DIAPH3: variants seen among roughly 807,000 people sequenced by gnomAD.
DIAPH3 encodes the protein diaphanous related formin 3.
A neutral mutation model predicts 144.3 loss-of-function variants in DIAPH3; 117 were observed. The ratio of observed to expected loss-of-function variants is 0.81; its 90% confidence interval spans 0.70 to 0.95. DIAPH3 has a LOEUF of 0.95. DIAPH3 is among the 40% of genes least tolerant of loss of function. The probability of loss-of-function intolerance (pLI) is 0.00; values close to 1 mark genes in which losing one functional copy is unlikely to be tolerated. For synonymous variants in DIAPH3, 519 were observed against 488.9 expected, an observed-to-expected ratio of 1.06 and a Z score of -0.81; for missense variants, 1,421 against 1,412.7, an observed-to-expected ratio of 1.01 and a Z score of -0.09.
chr13:59,767,528 T>C (rs940152290), intron 27 of DIAPH3, among the ~76,000 whole-genome samples: 7 of 151,918 alleles, frequency 4.6e-5, no homozygotes, highest in African/African-American at 1.7e-4. Context: ...AAAACAAAAG[T>C]ACAGAGTTCA....
chr13:60,043,204 G>A (rs1383955855), intron 4 of DIAPH3, among the ~76,000 whole-genome samples: 2 of 152,124 alleles, frequency 1.3e-5, no homozygotes, highest in Non-Finnish European at 2.9e-5. Context: ...GTGTAGAAAA[G>A]GCTATTAGGT....
Position 59,970,049 on chromosome 13 carries a change from G to A in DIAPH3, c.1969C>T (p.His657Tyr), listed in dbSNP as rs771360069. Residue 657 changes from histidine (H) to tyrosine (Y), a missense_variant, in exon 17 of 28, where the codon CAT becomes TAT. By Grantham distance (83) the His-to-Tyr change is moderately conservative (BLOSUM62 2). Coordinates refer to ENST00000400324, the MANE Select transcript of DIAPH3 (RefSeq NM_001042517.2). Reference sequence around the variant, plus strand: ...CAGAAACAGTTTTCAGTCATTTCATGAGGTCTGATCTACAATCAGAGAGAA... The same window carrying A: ...CAGAAACAGTTTTCAGTCATTTCATAAGGTCTGATCTACAATCAGAGAGAA... ...RRLNWLKIRP[H>Y]EMTENCFWIK... is the part of the protein sequence containing the mutation. The A allele has an allele frequency of 5.0e-6, 8 of 1,588,968 alleles. No individual in the cohort carries two copies. In the African/African-American group the frequency reaches 9.4e-5, roughly 19 times the overall value.
At chr13:60,132,875 C>T in intron 2 of DIAPH3, 82 bp downstream of exon 2, 1 of 1,213,200 alleles carries the variant, frequency 8.2e-7, no homozygotes. Context: ...TTAGCCATTT[C>T]AAAGATGTTA....
At chr13:60,118,354 A>G (rs181148614) in intron 2 of DIAPH3, among the ~76,000 whole-genome samples, 1 of 152,342 alleles carries the variant, frequency 6.6e-6, no homozygotes, top group African/African-American at 2.4e-5. Flanking sequence ...TTTAATTTAA[A>G]ATGAAAGGAA....
At chr13:59,777,169 C>G (rs1400942134) in intron 25 of DIAPH3, among the ~76,000 whole-genome samples, 1 of 152,062 alleles carries the variant, frequency 6.6e-6, no homozygotes, top group African/African-American at 2.4e-5. Context: ...GAGTCAGAAA[C>G]ATATTGTTGT....
intron 27 of DIAPH3, among the ~76,000 whole-genome samples, chr13:59,684,106 C>T (rs752449059): frequency 6.6e-6 from 1 of 150,974 alleles, no homozygotes. Context: ...ACTCTGACAA[C>T]GTTCTTGGTT....
At chr13:59,900,715 T>TAAC (rs1172454536) in intron 20 of DIAPH3, among the ~76,000 whole-genome samples, 1 of 152,208 alleles carries the variant, frequency 6.6e-6, no homozygotes, top group Non-Finnish European at 1.5e-5. Context: ...TATAGCTTTG[T>TAAC]ATGTGACCTG....
At chr13:59,752,086 C>A (rs1404998556) in intron 27 of DIAPH3, among the ~76,000 whole-genome samples, 5 of 152,180 alleles carry the variant, frequency 3.3e-5, no homozygotes, top group Admixed American at 3.3e-4. Context: ...TCTTTCCCAG[C>A]CAATATCCTT....
chr13:59,831,236 C>T (rs994593318), intron 24 of DIAPH3, among the ~76,000 whole-genome samples: 1 of 151,792 alleles, frequency 6.6e-6, no homozygotes. Flanking sequence ...ATACTTGATG[C>T]ATAATTGTGT....
intron 27 of DIAPH3, among the ~76,000 whole-genome samples, chr13:59,750,961 C>T (rs1312979166): frequency 6.6e-6 from 1 of 152,234 alleles, no homozygotes. Flanking sequence ...AGCTGTGCTT[C>T]TGCCCACATA....
At chr13:60,060,068 C>CT (rs972574183) in intron 4 of DIAPH3, among the ~76,000 whole-genome samples, 1 of 151,792 alleles carries the variant, frequency 6.6e-6, no homozygotes, top group East Asian at 1.9e-4. Context: ...GTCTGTCTTC[C>CT]TTTTTTTTCT....
chr13:60,067,521 A>T (rs893235369), intron 4 of DIAPH3, among the ~76,000 whole-genome samples: 2 of 152,182 alleles, frequency 1.3e-5, no homozygotes, highest in African/African-American at 4.8e-5. Context: ...AGATACAATT[A>T]GACTTAGATA....
chr13:59,845,276 T>C (rs1167227647), intron 22 of DIAPH3, among the ~76,000 whole-genome samples: 1 of 152,134 alleles, frequency 6.6e-6, no homozygotes, highest in Non-Finnish European at 1.5e-5. Context: ...ACTCCTGACC[T>C]CATGATCTGC....
At chr13:59,724,666 A>C (rs994781015) in intron 27 of DIAPH3, among the ~76,000 whole-genome samples, 10 of 152,354 alleles carry the variant, frequency 6.6e-5, no homozygotes, top group Non-Finnish European at 1.0e-4. Context: ...AAATCCTTTC[A>C]AAAGGGGATG....
intron 27 of DIAPH3, among the ~76,000 whole-genome samples, chr13:59,682,414 T>C (rs1021570193): frequency 6.6e-6 from 1 of 152,194 alleles, no homozygotes; most frequent in Non-Finnish European, 1.5e-5. Context: ...CTCAAAATCC[T>C]GGGCTCAAGT....
rs540172101 is a variant in DIAPH3, at chr13:59,689,704, G to C, written c.3320-22858C>G. Among the ~76,000 whole-genome samples, 5 of 151,972 alleles carry C rather than the reference G, an allele frequency of 3.3e-5. No individual in the cohort carries two copies. The South Asian group carries it at 1.0e-3, about 32-fold the overall frequency. ...ACGGTGGGGAACAAATTGGTTTTAGGGTGGAAAGATTTGGCAGATGTTGGG... is the reference window on the plus strand; with the variant it reads ...ACGGTGGGGAACAAATTGGTTTTAGCGTGGAAAGATTTGGCAGATGTTGGG... On this transcript the variant is annotated intron_variant, in intron 27 of 27. Transcript: ENST00000400324.
At chr13:59,811,194 A>C (rs770823547) in intron 24 of DIAPH3, among the ~76,000 whole-genome samples, 5 of 152,150 alleles carry the variant, frequency 3.3e-5, no homozygotes, top group African/African-American at 4.8e-5. Flanking sequence ...GGGAGATGGG[A>C]GACAGAAACT....
At chr13:60,107,128 T>A (rs189292197) in intron 3 of DIAPH3, among the ~76,000 whole-genome samples, 7 of 152,150 alleles carry the variant, frequency 4.6e-5, no homozygotes, top group African/African-American at 1.7e-4. Context: ...TGTGGTCATA[T>A]AGAAGGAAGT....
chr13:60,023,965 C>T (rs111396263), intron 5 of DIAPH3, among the ~76,000 whole-genome samples: 18,795 of 146,876 alleles, frequency 0.13, 1,557 homozygotes, highest in Non-Finnish European at 0.19. Context: ...ACACCATTCT[C>T]CTGCCTCAGC....
Sources: gnomAD v4.1 joint callset for allele counts (sites outside exome capture counted in the v4.1 genomes callset) on GRCh38, gnomAD v4.1.1 for gene constraint, MANE v1.5 for transcripts, NCBI Gene and HGNC (gene_info 2026-07-23, HGNC 2026-07-21) for gene names.